SLC25A43: variants seen among roughly 807,000 people sequenced by gnomAD.
SLC25A43 encodes solute carrier family 25, member 43.
A neutral mutation model predicts 22.8 loss-of-function variants in SLC25A43; 10 were observed. That is an observed-to-expected ratio of 0.44 (90% CI 0.27 to 0.74). SLC25A43 has a LOEUF of 0.74. SLC25A43 is among the 30% of genes least tolerant of loss of function. SLC25A43 has a pLI of 0.17. For synonymous variants in SLC25A43, 106 were observed against 121.6 expected (o/e 0.87, Z 0.84); for missense variants, 233 against 279.1 (o/e 0.83, Z 1.18).
chrX:119,428,059 T>TC (rs1008779785), intron 3 of SLC25A43, among the ~76,000 whole-genome samples: 4 of 112,260 alleles, frequency 3.6e-5, no homozygotes, highest in African/African-American at 1.3e-4. Flanking sequence ...CCAAAGATGG[T>TC]CTATGCAAAG....
rs1603294264 is a variant in SLC25A43 at position 119,407,046 on chromosome X, T to C, written c.517+345T>C. On this transcript the variant is annotated intron_variant, in intron 2 of 4. Coordinates refer to ENST00000217909, the MANE Select transcript of SLC25A43 (RefSeq NM_145305.3). ...GGGCAACTAGGGTAGCAACTGTGTCTTCTGGGGTCTTTGTAACCTTTGCCA... is the reference window on the plus strand; with the variant it reads ...GGGCAACTAGGGTAGCAACTGTGTCCTCTGGGGTCTTTGTAACCTTTGCCA... Among the ~76,000 whole-genome samples, 4 of 113,255 alleles carry C rather than the reference T, an allele frequency of 3.5e-5. No individual in the cohort carries two copies. In the South Asian group the frequency reaches 1.4e-3, roughly 40 times the overall value.
intron 3 of SLC25A43, among the ~76,000 whole-genome samples, chrX:119,449,621 C>CT (rs2052691753): frequency 4.6e-5 from 5 of 109,095 alleles, no homozygotes; most frequent in African/African-American, 1.0e-4. Flanking sequence ...TCCCAGCTAC[C>CT]AGGGAGGCTA....
intron 3 of SLC25A43, among the ~76,000 whole-genome samples, chrX:119,445,327 C>A (rs1270375357): frequency 8.9e-6 from 1 of 111,877 alleles, no homozygotes; most frequent in Non-Finnish European, 1.9e-5. Flanking sequence ...AGGCCGACTT[C>A]CCCCCTATAC....
chrX:119,419,857 T>C (rs2147269860), intron 3 of SLC25A43, among the ~76,000 whole-genome samples: 1 of 111,947 alleles, frequency 8.9e-6, no homozygotes, highest in South Asian at 3.7e-4. Flanking sequence ...TGCTTCTTCA[T>C]TCCTAACATT....
chrX:119,399,756 G>A lies in SLC25A43; in HGVS notation c.275+78G>A, dbSNP rs755004140. On this transcript the variant is annotated intron_variant, in intron 1 of 4. Coordinates refer to ENST00000217909, the MANE Select transcript of SLC25A43 (RefSeq NM_145305.3). The stretch of plus-strand genomic sequence containing the variant: ...GGGAGCCGCGGCCCGACGCCGCCCT[G>A]CTGCCTGGACTCGGGGCCCTGGAGT... 22 of 954,817 alleles carry A rather than the reference G, an allele frequency of 2.3e-5. No individual in the cohort carries two copies. The East Asian group carries it at 5.0e-4, about 22-fold the overall frequency. 78.7% of individuals were successfully genotyped at this position (954,817 alleles called of 1,213,427 possible).
intron 3 of SLC25A43, among the ~76,000 whole-genome samples, chrX:119,413,029 G>A (rs1253500366): frequency 9.1e-6 from 1 of 109,529 alleles, no homozygotes; most frequent in Non-Finnish European, 1.9e-5. Flanking sequence ...TGAAGCAGGA[G>A]GATTACTTGG....
At chrX:119,435,625 C>T (rs1192725691) in intron 3 of SLC25A43, among the ~76,000 whole-genome samples, 3 of 46,172 alleles carry the variant, frequency 6.5e-5, no homozygotes, top group East Asian at 7.4e-4. Context: ...CCCCCTCCCC[C>T]GACCCCACCA....
intron 3 of SLC25A43, 44 bp from the exon 4 acceptor site, chrX:119,451,965 C>T: frequency 1.7e-6 from 2 of 1,208,073 alleles, no homozygotes; most frequent in Non-Finnish European, 2.2e-6. Context: ...ACATTTATTT[C>T]CTAATGTTTC....
intron 1 of SLC25A43, among the ~76,000 whole-genome samples, chrX:119,404,837 CA>C (rs1228560783): frequency 9.1e-6 from 1 of 110,191 alleles, no homozygotes; most frequent in East Asian, 2.8e-4. Flanking sequence ...AAAAAAATTG[CA>C]AAAAAATCTC....
intron 2 of SLC25A43, 58 bp from the exon 3 acceptor site, chrX:119,410,132 T>C (rs757450545): frequency 8.7e-7 from 1 of 1,148,889 alleles, no homozygotes; most frequent in East Asian, 3.0e-5. Flanking sequence ...GGAATTTATG[T>C]TCTCAAGCCA....
At chrX:119,449,864 A>G (rs1162771344) in intron 3 of SLC25A43, among the ~76,000 whole-genome samples, 2 of 112,154 alleles carry the variant, frequency 1.8e-5, no homozygotes, top group African/African-American at 3.2e-5. Flanking sequence ...GCCAGTGGGG[A>G]TGGAAAGGAG....
At chrX:119,419,219 C>G (rs217992) in intron 3 of SLC25A43, among the ~76,000 whole-genome samples, 52,784 of 109,814 alleles carry the variant, frequency 0.48, 9,087 homozygotes, top group East Asian at 0.55. Flanking sequence ...TCGGTCCCCC[C>G]ACAACTCTGC....
Position 119,399,460 on chromosome X carries a change from T to C in SLC25A43, c.57T>C (p.Ala19=), listed in dbSNP as rs5957164. The C allele has an allele frequency of 0.11, 115,924 of 1,049,750 alleles. 4,872 individuals are homozygous for C. Among genetic ancestry groups the C allele is most frequent in the East Asian group, 0.24 (5,990 of 24,550 alleles). The allele number at this position is 1,049,750 out of a possible 1,213,427, so 86.5% of individuals were successfully genotyped here. The change falls in exon 1 of 5, where the codon GCT becomes GCC. Residue 19 remains alanine (A), a synonymous_variant. Coordinates refer to ENST00000217909, the MANE Select transcript of SLC25A43 (RefSeq NM_145305.3). ...CAGGCGGCCAAAGGCTGCTGTGCGC[T>C]GGGCTGGCGGGGACGCTCAGCCTCA... ...RLTGGQRLLC[A]GLAGTLSLSL... is the part of the protein sequence containing the mutation.
At chrX:119,442,174 AATCCAC>A (rs2052628290) in intron 3 of SLC25A43, among the ~76,000 whole-genome samples, 1 of 112,492 alleles carries the variant, frequency 8.9e-6, no homozygotes, top group Non-Finnish European at 1.9e-5. Flanking sequence ...CTGCTGCAAC[AATCCAC>A]ATGCGCAGTG....
intron 3 of SLC25A43, among the ~76,000 whole-genome samples, chrX:119,416,759 A>G (rs112688113): frequency 3.6e-5 from 4 of 112,211 alleles, no homozygotes; most frequent in Non-Finnish European, 7.5e-5. Context: ...AGCTTGAACC[A>G]GATGAAATTA....
intron 4 of SLC25A43, 83 bp downstream of exon 4, chrX:119,452,226 A>G (rs1298862589): frequency 2.0e-5 from 22 of 1,081,354 alleles, no homozygotes; most frequent in African/African-American, 3.8e-5. Flanking sequence ...CCCCTACTAC[A>G]GTTTGCTTGG....
chrX:119,404,935 G>A (rs2052276397), intron 1 of SLC25A43, among the ~76,000 whole-genome samples: 3 of 112,270 alleles, frequency 2.7e-5, no homozygotes, highest in Non-Finnish European at 5.6e-5. Flanking sequence ...CTGTGGGTTG[G>A]ACAAGTTTGC....
At chrX:119,445,831 C>A (rs1195861995) in intron 3 of SLC25A43, among the ~76,000 whole-genome samples, 1 of 110,895 alleles carries the variant, frequency 9.0e-6, no homozygotes. Flanking sequence ...ATCTAGTAAT[C>A]AGAAGGAGAG....
intron 3 of SLC25A43, among the ~76,000 whole-genome samples, chrX:119,444,766 G>A (rs1165504787): frequency 9.2e-6 from 1 of 109,024 alleles, no homozygotes; most frequent in East Asian, 2.8e-4. Context: ...TGGGTGCAGT[G>A]GCTCACGCCT....
Sources: allele counts gnomAD v4.1 joint callset (sites outside exome capture counted in the v4.1 genomes callset), GRCh38; gene constraint gnomAD v4.1.1; transcripts MANE v1.5; gene names NCBI Gene and HGNC (gene_info 2026-07-23, HGNC 2026-07-21).